The following PLXNB3 variants were observed in gnomAD, a reference collection of about 807,000 sequenced individuals.
PLXNB3 encodes the protein plexin B3.
Under a neutral mutation model 125.7 loss-of-function variants are expected in PLXNB3, and 80 were observed. The observed-to-expected ratio is 0.64, with a 90% confidence interval of 0.53 to 0.77. The LOEUF is 0.77. Ranked by LOEUF, PLXNB3 falls within the 30% of genes least tolerant of loss-of-function variation. PLXNB3 has a pLI of 0.00. For synonymous variants in PLXNB3, 954 were observed against 783.3 expected, an observed-to-expected ratio of 1.22 and a Z score of -3.64; for missense variants, 1,836 against 1,729.3, an observed-to-expected ratio of 1.06 and a Z score of -1.09.
At chrX:153,765,687 G>A in intron 2 of PLXNB3, 107 bp downstream of exon 2, 5 of 1,155,808 alleles carry the variant, frequency 4.3e-6, no homozygotes, top group Non-Finnish European at 5.8e-6. Context: ...CTCCCTCATG[G>A]CAGACACTGC....
chrX:153,772,731 T>TGGCCTCGGGAAGGA, intron 16 of PLXNB3, 155 bp from the exon 17 acceptor site: 1 of 1,034,782 alleles, frequency 9.7e-7, no homozygotes. Flanking sequence ...CAGTGTGCAG[T>TGGCCTCGGGAAGGA]GGCCTCGGGA....
In PLXNB3 at chrX:153,773,991, G is replaced by A. The variant is rs1603247804; in HGVS notation, c.3412G>A (p.Gly1138Arg). Reference protein sequence around the residue: ...NVQVDFASASGGQGFLYQPNP... With the variant: ...NVQVDFASASRGQGFLYQPNP... ...GCAAGTGGACTTCGCCAGTGCCAGT[G>A]GGGGCCAGGGCTTCCTGTACCAGCC... Residue 1138 changes from glycine to arginine, a missense_variant, in exon 20 of 36, where the codon GGG (glycine) becomes AGG (arginine). Physicochemically the swap from Gly to Arg is moderately radical, Grantham distance 125. Transcript: ENST00000361971. 2 of 1,209,265 alleles carry A rather than the reference G, an allele frequency of 1.7e-6. No homozygotes were observed. Among genetic ancestry groups the A allele is most frequent in the African/African-American group, 3.5e-5 (2 of 57,958 alleles).
rs2091973614 is a variant in PLXNB3, at chrX:153,775,286, C to T, written c.4217C>T (p.Ser1406Leu). 1.7e-6 allele frequency: 2 copies of T among 1,206,005 alleles called. No individual in the cohort carries two copies. The highest frequency in any genetic ancestry group is 3.0e-5 in the East Asian group (1 of 33,694). Residue 1406 changes from serine to leucine, a missense_variant, in exon 25 of 36, where the codon TCG (serine) becomes TTG (leucine). Ser to Leu is a moderately radical substitution (Grantham distance 145). Transcript: ENST00000361971. ...CAGAGGGATCGCTGCCATGTGGCTTCGCTGCTGTCGCTAGCGCTACACGGC... is the reference window on the plus strand; with the variant it reads ...CAGAGGGATCGCTGCCATGTGGCTTTGCTGCTGTCGCTAGCGCTACACGGC... ...FSQRDRCHVA[S>L]LLSLALHGKL... is the part of the protein sequence containing the mutation.
intron 30 of PLXNB3, 72 bp from the exon 31 acceptor site, chrX:153,777,456 G>T (rs1454541840): frequency 8.4e-7 from 1 of 1,183,829 alleles, no homozygotes; most frequent in African/African-American, 1.7e-5. Context: ...TGTGGGAGGG[G>T]CAGGGGCAGC....
At chrX:153,769,760 T>G in intron 6 of PLXNB3, 47 bp from the exon 7 acceptor site, 1 of 1,171,072 alleles carries the variant, frequency 8.5e-7, no homozygotes, top group Non-Finnish European at 1.1e-6. Context: ...CGGTCATCCT[T>G]GGAGTCTAGG....
chrX:153,766,706 C>T, intron 2 of PLXNB3, 167 bp from the exon 3 acceptor site: 1 of 723,346 alleles, frequency 1.4e-6, no homozygotes, highest in Non-Finnish European at 1.6e-6. Context: ...TCTCTCTGTG[C>T]CCCCTCTGTC....
rs1557063185 is a variant in PLXNB3, at chrX:153,774,305, C to A, written c.3639C>A (p.Ala1213=). The stretch of plus-strand genomic sequence containing the variant: ...TGTACTGCGAGCCGCCTGCGCACGC[C>A]CCGCAGCCTGCCAATGGCTCCGGCC... ...THLYCEPPAH[A]PQPANGSGLP... is the part of the protein sequence containing the mutation. The change falls in exon 21 of 36, where the codon GCC becomes GCA. Residue 1213 remains alanine (A), a synonymous_variant. Coordinates refer to ENST00000361971, the MANE Select transcript of PLXNB3 (RefSeq NM_005393.3). The A allele has an allele frequency of 8.6e-7, 1 of 1,164,125 alleles. No homozygotes were observed. The highest frequency in any genetic ancestry group is 1.9e-5 in the South Asian group (1 of 53,358).
chrX:153,770,649 G>A lies in PLXNB3; in HGVS notation c.2010+7G>A, dbSNP rs1557061455. The A allele has an allele frequency of 1.7e-6, 2 of 1,207,475 alleles. No homozygotes were observed. Among genetic ancestry groups the A allele is most frequent in the Admixed American group, 2.2e-5 (1 of 45,943 alleles). ...CATCTACAGCGCCCAGGAGGTGGGT[G>A]GGCCCGAACTTCGGGCAGAGACAGG... On this transcript the variant is annotated splice_region_variant and intron_variant, in intron 10 of 35. Coordinates refer to ENST00000361971, the MANE Select transcript of PLXNB3 (RefSeq NM_005393.3).
chrX:153,768,022 G>A (rs1165334605), intron 3 of PLXNB3, 109 bp downstream of exon 3: 27 of 851,746 alleles, frequency 3.2e-5, no homozygotes, highest in Non-Finnish European at 3.8e-5. Context: ...TCAGCCAGGG[G>A]TCAGCTGAGT....
rs782714282 is a variant in PLXNB3 at position 153,772,750 on chromosome X, G to A, written c.2776-136G>A. On this transcript the variant is annotated intron_variant, in intron 16 of 35. Transcript: ENST00000361971. ...GTGCAGTGGCCTCGGGAAGGAGGGCGTGGTCCACTTTGGCCCCAGGAGGTG... is the reference window on the plus strand; with the variant it reads ...GTGCAGTGGCCTCGGGAAGGAGGGCATGGTCCACTTTGGCCCCAGGAGGTG... 3.1e-4 allele frequency: 324 copies of A among 1,037,041 alleles called. 2 individuals carry two copies. The African/African-American group carries it at 4.8e-3, about 15-fold the overall frequency. The allele number at this position is 1,037,041 out of a possible 1,213,427, so 85.5% of individuals were successfully genotyped here.
intron 16 of PLXNB3, 136 bp from the exon 17 acceptor site, chrX:153,772,750 G>T: frequency 9.6e-7 from 1 of 1,038,574 alleles, no homozygotes; most frequent in African/African-American, 1.9e-5. Flanking sequence ...GAAGGAGGGC[G>T]TGGTCCACTT....
Position 153,770,188 on chromosome X carries a change from C to T in PLXNB3, c.1726C>T (p.Pro576Ser). 4 of 1,210,919 alleles carry T rather than the reference C, an allele frequency of 3.3e-6. No individual in the cohort carries two copies. The highest frequency in any genetic ancestry group is 4.5e-6 in the Non-Finnish European group (4 of 895,205). Residue 576 changes from proline to serine, a missense_variant, in exon 8 of 36, where the codon CCC becomes TCC. Coordinates refer to ENST00000361971, the MANE Select transcript of PLXNB3 (RefSeq NM_005393.3). ...TGACAGCTTGGCTCATGTGGAAGGG[C>T]CCCACGTGGCCTGTGTCACCCCTCC... is the stretch of plus-strand genomic sequence containing the variant. ...DYDSLAHVEG[P>S]HVACVTPPQD...
intron 4 of PLXNB3, 139 bp downstream of exon 4, chrX:153,768,567 G>A (rs2091886122): frequency 3.5e-6 from 2 of 570,519 alleles, no homozygotes; most frequent in East Asian, 7.5e-5. Flanking sequence ...TGCTGGCTGA[G>A]CACTGCCCCC....
Position 153,778,003 on chromosome X carries a change from G to T in PLXNB3, c.5317G>T (p.Val1773Leu). Residue 1773 changes from valine (V) to leucine (L), a missense_variant, in exon 32 of 36, where the codon GTA becomes TTA. Coordinates refer to ENST00000361971, the MANE Select transcript of PLXNB3 (RefSeq NM_005393.3). The stretch of plus-strand genomic sequence containing the variant: ...GAAGAACCCACAGCTCATCTTTGAT[G>T]TACGGGTGTCGGACAATGTGGACGC... ...ALKNPQLIFD[V>L]RVSDNVDAIL... 8.3e-7 allele frequency: 1 copy of T among 1,211,745 alleles called. No individual in the cohort carries two copies. Among genetic ancestry groups the T allele is most frequent in the Non-Finnish European group, 1.1e-6 (1 of 895,315 alleles).
At position 153,772,994 on chromosome X, in the gene PLXNB3, G is replaced by A. The variant is rs2091949427; in HGVS notation, c.2884G>A (p.Val962Met). The change falls in exon 17 of 36, where the codon GTG becomes ATG. Residue 962 changes from valine to methionine, a missense_variant. Coordinates refer to ENST00000361971, the MANE Select transcript of PLXNB3 (RefSeq NM_005393.3). ...LQTGGNTSAFVGGQPCPILEP... is the reference protein window; with the variant it reads ...LQTGGNTSAFMGGQPCPILEP... The stretch of plus-strand genomic sequence containing the variant: ...GACAGGTGGCAACACCAGTGCCTTC[G>A]TGGGTGGCCAACCCTGTCCCATGTG... 1.0e-5 allele frequency: 12 copies of A among 1,193,469 alleles called. No individual in the cohort carries two copies. Among genetic ancestry groups the A allele is most frequent in the Admixed American group, 2.3e-5 (1 of 43,179 alleles).
chrX:153,767,281 C>G lies in PLXNB3; in HGVS notation c.454C>G (p.Leu152Val). 8.3e-7 allele frequency: 1 copy of G among 1,205,970 alleles called. No individual in the cohort carries two copies. The highest frequency in any genetic ancestry group is 1.1e-6 in the Non-Finnish European group (1 of 892,830). The change falls in exon 3 of 36, where the codon CTG (leucine) becomes GTG (valine). Residue 152 changes from leucine to valine, a missense_variant. Leu to Val is a conservative substitution (Grantham distance 32). Transcript: ENST00000361971. ...TRRLGDVAEV[L>V]YQAEDPGDGQ... is the part of the protein sequence containing the mutation. ...GCGCCTTGGGGATGTGGCCGAGGTGCTGTACCAGGCTGAGGACCCTGGTGA... is the reference window on the plus strand; with the variant it reads ...GCGCCTTGGGGATGTGGCCGAGGTGGTGTACCAGGCTGAGGACCCTGGTGA...
Position 153,770,616 on chromosome X carries a change from G to A in PLXNB3, c.1984G>A (p.Glu662Lys), listed in dbSNP as rs373196958. 1.1e-4 allele frequency: 138 copies of A among 1,210,208 alleles called. No individual in the cohort carries two copies. The highest frequency in any genetic ancestry group is 1.4e-4 in the Non-Finnish European group (127 of 894,987). Reference sequence around the variant, plus strand: ...GTACGGAGAGCACTGCCCAGAGGGCGAGAGGACCATCTACAGCGCCCAGGA... The same window carrying A: ...GTACGGAGAGCACTGCCCAGAGGGCAAGAGGACCATCTACAGCGCCCAGGA... ...CVYGEHCPEG[E>K]RTIYSAQEVD... The change falls in exon 10 of 36, where the codon GAG becomes AAG. Residue 662 changes from glutamate to lysine, a missense_variant. Transcript: ENST00000361971.
chrX:153,769,873 G>A lies in PLXNB3; in HGVS notation c.1563G>A (p.Glu521=). 8.3e-7 allele frequency: 1 copy of A among 1,207,470 alleles called. No individual in the cohort carries two copies. Among genetic ancestry groups the A allele is most frequent in the South Asian group, 1.8e-5 (1 of 56,666 alleles). ...ACCAGTGGCTGTGGAGTTATGAGGA[G>A]GACAGCCACTGCCTGCACATCCAGA... The part of the protein sequence containing the change: ...QLNQWLWSYE[E]DSHCLHIQSL... Residue 521 remains glutamate (E), a synonymous_variant, in exon 7 of 36, where the codon GAG becomes GAA. Transcript: ENST00000361971.
chrX:153,776,454 T>A lies in PLXNB3; in HGVS notation c.4828T>A (p.Tyr1610Asn). The change falls in exon 28 of 36, where the codon TAC becomes AAC. Residue 1610 changes from tyrosine to asparagine, a missense_variant. Coordinates refer to ENST00000361971, the MANE Select transcript of PLXNB3 (RefSeq NM_005393.3). Reference protein sequence around the residue: ...HWKRLNTLQHYKVPDGATVGL... With the variant: ...HWKRLNTLQHNKVPDGATVGL... Reference sequence around the variant, plus strand: ...GAAGAGACTCAACACCTTGCAACACTACAAGGTGTGAGCAGGGACGGGGCG... The same window carrying A: ...GAAGAGACTCAACACCTTGCAACACAACAAGGTGTGAGCAGGGACGGGGCG... The A allele has an allele frequency of 1.2e-6, 1 of 832,981 alleles. No homozygotes were observed. The highest frequency in any genetic ancestry group is 1.7e-6 in the Non-Finnish European group (1 of 586,926). The allele number at this position is 832,981 out of a possible 1,213,427, so 68.6% of individuals were successfully genotyped here. A position where few individuals can be genotyped will look rare whatever the true frequency, so the allele number is the denominator to read the frequency against.
Sources: gnomAD v4.1 joint callset for allele counts on GRCh38, gnomAD v4.1.1 for gene constraint, MANE v1.5 for transcripts, NCBI Gene and HGNC (gene_info 2026-07-23, HGNC 2026-07-21) for gene names.